GMDS: variants seen among roughly 807,000 people sequenced by gnomAD.
GMDS encodes GDP-mannose 4,6 dehydratase.
A neutral mutation model predicts 49.9 loss-of-function variants in GMDS; 20 were observed. The ratio of observed to expected loss-of-function variants is 0.40; its 90% confidence interval spans 0.28 to 0.58. The LOEUF is 0.58. GMDS is among the 20% of genes least tolerant of loss of function. GMDS has a pLI of 0.42. For missense variants in GMDS, 362 were observed against 481.4 expected, an observed-to-expected ratio of 0.75 and a Z score of 2.32; for synonymous variants, 177 against 178.6, an observed-to-expected ratio of 0.99 and a Z score of 0.07.
At chr6:1,972,620 T>A (rs1192445085) in intron 4 of GMDS, among the ~76,000 whole-genome samples, 1 of 152,244 alleles carries the variant, frequency 6.6e-6, no homozygotes, top group Non-Finnish European at 1.5e-5. Flanking sequence ...ATGTCTTTAT[T>A]TTCACTAAAT....
intron 4 of GMDS, among the ~76,000 whole-genome samples, chr6:2,051,021 T>C (rs1245203435): frequency 7.8e-4 from 119 of 152,132 alleles, no homozygotes; most frequent in Non-Finnish European, 1.8e-4. Context: ...AATGAGTTGA[T>C]GGGTGTAACA....
Position 2,155,855 on chromosome 6 carries a change from G to A in GMDS, c.103-31124C>T, listed in dbSNP as rs73716970. 4.4e-3 allele frequency among the ~76,000 whole-genome samples: 664 copies of A among 152,170 alleles called. 10 individuals are homozygous for A. The highest frequency in any genetic ancestry group is 0.015 in the African/African-American group (642 of 41,536). On this transcript the variant is annotated intron_variant, in intron 1 of 10. Transcript: ENST00000380815. ...TAGGTCGTGAAGATTTCCCAAATGC[G>A]AATTCTAAATTACGTAAATGAAACC... is the stretch of plus-strand genomic sequence containing the variant.
At chr6:1,862,411 G>A (rs1380957336) in intron 7 of GMDS, among the ~76,000 whole-genome samples, 2 of 152,190 alleles carry the variant, frequency 1.3e-5, no homozygotes, top group African/African-American at 4.8e-5. Flanking sequence ...GGACATCACT[G>A]AAATGTATTA....
intron 7 of GMDS, among the ~76,000 whole-genome samples, chr6:1,865,521 T>C (rs969638014): frequency 2.6e-5 from 4 of 152,130 alleles, no homozygotes; most frequent in Admixed American, 6.5e-5. Context: ...TTAAATGACA[T>C]TTAAAAATAT....
chr6:1,767,887 C>T (rs533414822), intron 7 of GMDS, among the ~76,000 whole-genome samples: 17 of 152,076 alleles, frequency 1.1e-4, no homozygotes, highest in African/African-American at 3.6e-4. Context: ...CAGTTAATCC[C>T]GGCTCTAAGC....
chr6:1,815,560 C>G (rs1770623736), intron 7 of GMDS, among the ~76,000 whole-genome samples: 1 of 152,120 alleles, frequency 6.6e-6, no homozygotes, highest in African/African-American at 2.4e-5. Flanking sequence ...TATGTGAAAA[C>G]CAAACGAAAA....
intron 1 of GMDS, among the ~76,000 whole-genome samples, chr6:2,203,650 T>C (rs140234832): frequency 6.6e-6 from 1 of 152,168 alleles, no homozygotes; most frequent in East Asian, 1.9e-4. Context: ...AGACAGTGGT[T>C]AACACTACGA....
intron 1 of GMDS, among the ~76,000 whole-genome samples, chr6:2,189,254 G>C (rs1019335782): frequency 6.6e-6 from 1 of 152,122 alleles, no homozygotes; most frequent in Admixed American, 6.6e-5. Flanking sequence ...CTGGGTTACA[G>C]GGAGGTTAGC....
At chr6:1,624,668 C>A in intron 9 of GMDS, 128 bp from the exon 10 acceptor site, 1 of 667,938 alleles carries the variant, frequency 1.5e-6, no homozygotes, top group Admixed American at 2.7e-5. Context: ...TCCCTGCTTT[C>A]GGTCCCTGCT....
Position 2,084,749 on chromosome 6 carries a change from C to T in GMDS, c.345+31022G>A, listed in dbSNP as rs187194193. Among the ~76,000 whole-genome samples the T allele has an allele frequency of 5.0e-3, 765 of 152,186 alleles. 4 individuals carry two copies. Among genetic ancestry groups the T allele is most frequent in the African/African-American group, 0.017 (686 of 41,516 alleles). ...GTCTCGATCTCCTGACCTTGTGATC[C>T]GCCCGCCTCAGCTTCCCAAAGTGCT... On this transcript the variant is annotated intron_variant, in intron 4 of 10. Coordinates refer to ENST00000380815, the MANE Select transcript of GMDS (RefSeq NM_001500.4).
intron 9 of GMDS, among the ~76,000 whole-genome samples, chr6:1,683,217 G>A (rs1471849359): frequency 1.3e-5 from 2 of 152,172 alleles, no homozygotes; most frequent in African/African-American, 4.8e-5. Context: ...TCTGCCTCCC[G>A]GGTTCACACC....
At chr6:1,928,994 TAAATA>T (rs1437492120) in intron 7 of GMDS, among the ~76,000 whole-genome samples, 1 of 151,628 alleles carries the variant, frequency 6.6e-6, no homozygotes, top group African/African-American at 2.4e-5. Context: ...AATAAATAAA[TAAATA>T]AATAGATCTA....
chr6:1,675,677 C>T (rs1312384176), intron 9 of GMDS, among the ~76,000 whole-genome samples: 1 of 151,908 alleles, frequency 6.6e-6, no homozygotes, highest in African/African-American at 2.4e-5. Context: ...ACAGTGAAAC[C>T]CCATCTCTAC....
intron 9 of GMDS, among the ~76,000 whole-genome samples, chr6:1,716,858 C>G (rs991968049): frequency 6.6e-6 from 1 of 152,236 alleles, no homozygotes; most frequent in East Asian, 1.9e-4. Context: ...TATTAGGAAG[C>G]CTGTCCTTGT....
At chr6:2,172,036 CAA>C (rs925669817) in intron 1 of GMDS, among the ~76,000 whole-genome samples, 8 of 152,062 alleles carry the variant, frequency 5.3e-5, no homozygotes, top group African/African-American at 1.9e-4. Flanking sequence ...CGGAAGACAT[CAA>C]AGACAGCATG....
intron 6 of GMDS, among the ~76,000 whole-genome samples, chr6:1,950,211 C>T (rs558898652): frequency 1.1e-4 from 16 of 152,270 alleles, no homozygotes; most frequent in African/African-American, 3.9e-4. Flanking sequence ...TCTATGAATT[C>T]TAATAGTTTT....
intron 7 of GMDS, among the ~76,000 whole-genome samples, chr6:1,811,848 C>CT (rs1172054555): frequency 6.6e-6 from 1 of 152,158 alleles, no homozygotes; most frequent in Non-Finnish European, 1.5e-5. Flanking sequence ...TTCTCTTGGG[C>CT]TATCTAACAC....
chr6:2,084,567 C>T (rs9503093), intron 4 of GMDS, among the ~76,000 whole-genome samples: 26 of 152,050 alleles, frequency 1.7e-4, no homozygotes, highest in African/African-American at 5.3e-4. Context: ...AGTGCAGTGG[C>T]GCGATCTTGA....
chr6:1,668,737 C>T (rs1425239350), intron 9 of GMDS, among the ~76,000 whole-genome samples: 1 of 151,942 alleles, frequency 6.6e-6, no homozygotes, highest in African/African-American at 2.4e-5. Flanking sequence ...AAAAAAACCA[C>T]TGGGAATAAA....
Sources: allele counts gnomAD v4.1 joint callset (sites outside exome capture counted in the v4.1 genomes callset), GRCh38; gene constraint gnomAD v4.1.1; transcripts MANE v1.5; gene names NCBI Gene and HGNC (gene_info 2026-07-23, HGNC 2026-07-21).